PCED1B: variants seen among roughly 807,000 people sequenced by gnomAD.
PCED1B encodes the protein PC-esterase domain-containing protein 1B.
For missense variants in PCED1B, 573 were observed against 573.9 expected (o/e 1.00, Z 0.02); for synonymous variants, 251 against 246.1 (o/e 1.02, Z -0.19).
intron 3 of PCED1B, among the ~76,000 whole-genome samples, chr12:47,228,946 A>G (rs1943715882): frequency 6.6e-6 from 1 of 151,526 alleles, no homozygotes; most frequent in South Asian, 2.1e-4. Context: ...TTCAATAAAC[A>G]TTAATTTTGT....
intron 2 of PCED1B, among the ~76,000 whole-genome samples, chr12:47,167,250 C>T (rs911372285): frequency 3.3e-5 from 5 of 152,010 alleles, no homozygotes; most frequent in Admixed American, 6.6e-5. Flanking sequence ...AAATATTCAA[C>T]GTAACAAAAA....
chr12:47,210,984 G>A (rs565875883), intron 2 of PCED1B, among the ~76,000 whole-genome samples: 9 of 152,218 alleles, frequency 5.9e-5, no homozygotes, highest in Non-Finnish European at 7.4e-5. Context: ...TGCAATATGG[G>A]CCAATCGTAT....
chr12:47,134,248 A>G (rs1371266614), intron 2 of PCED1B, among the ~76,000 whole-genome samples: 2 of 152,192 alleles, frequency 1.3e-5, no homozygotes, highest in Non-Finnish European at 2.9e-5. Flanking sequence ...CCTTTACGAA[A>G]TTAGTACAGG....
At chr12:47,165,419 T>C (rs1941513594) in intron 2 of PCED1B, among the ~76,000 whole-genome samples, 1 of 152,234 alleles carries the variant, frequency 6.6e-6, no homozygotes, top group South Asian at 2.1e-4. Context: ...CATTTTCACT[T>C]ATATGTTCCT....
intron 2 of PCED1B, among the ~76,000 whole-genome samples, chr12:47,184,995 G>A (rs1942209713): frequency 6.6e-6 from 1 of 152,156 alleles, no homozygotes; most frequent in South Asian, 2.1e-4. Flanking sequence ...TAGTAATGCT[G>A]TCAGACTCCT....
intron 2 of PCED1B, among the ~76,000 whole-genome samples, chr12:47,111,555 G>A (rs953455136): frequency 4.6e-5 from 7 of 151,510 alleles, no homozygotes; most frequent in African/African-American, 4.9e-5. Flanking sequence ...TTGCAAAATC[G>A]AAACTCCAAA....
At chr12:47,139,326 G>A (rs1940503501) in intron 2 of PCED1B, among the ~76,000 whole-genome samples, 1 of 152,198 alleles carries the variant, frequency 6.6e-6, no homozygotes, top group Admixed American at 6.5e-5. Context: ...ACAGTAATGG[G>A]GAGCAGCAGA....
chr12:47,119,129 A>G (rs1939562910), intron 2 of PCED1B, among the ~76,000 whole-genome samples: 1 of 152,212 alleles, frequency 6.6e-6, no homozygotes, highest in Non-Finnish European at 1.5e-5. Flanking sequence ...AAAACGTTCA[A>G]TGAGGGAAGA....
chr12:47,168,006 G>T (rs1941600327), intron 2 of PCED1B, among the ~76,000 whole-genome samples: 1 of 152,174 alleles, frequency 6.6e-6, no homozygotes. Context: ...ACAGTTAAAT[G>T]AGCCAAAATA....
intron 2 of PCED1B, among the ~76,000 whole-genome samples, chr12:47,179,697 C>T (rs1453694923): frequency 6.6e-6 from 1 of 152,108 alleles, no homozygotes; most frequent in Non-Finnish European, 1.5e-5. Context: ...ATAGTATTTT[C>T]ATTCATTTAT....
At chr12:47,193,574 A>C (rs777745752) in intron 2 of PCED1B, among the ~76,000 whole-genome samples, 1 of 152,188 alleles carries the variant, frequency 6.6e-6, no homozygotes, top group Non-Finnish European at 1.5e-5. Context: ...ATTATGGATG[A>C]CTTTTATAAA....
intron 2 of PCED1B, among the ~76,000 whole-genome samples, chr12:47,204,381 A>G (rs1942857714): frequency 6.6e-6 from 1 of 152,152 alleles, no homozygotes; most frequent in Non-Finnish European, 1.5e-5. Flanking sequence ...CTTCCTATCC[A>G]TGAGCATGGA....
chr12:47,129,854 A>G (rs754274175), intron 2 of PCED1B, among the ~76,000 whole-genome samples: 1 of 152,218 alleles, frequency 6.6e-6, no homozygotes, highest in Non-Finnish European at 1.5e-5. Context: ...ACAACCATCA[A>G]TAGTGTAGTG....
chr12:47,093,331 C>G (rs915203616), intron 1 of PCED1B, among the ~76,000 whole-genome samples: 3 of 151,582 alleles, frequency 2.0e-5, no homozygotes, highest in African/African-American at 7.3e-5. Context: ...AGTGATATCT[C>G]CTTTTTCATT....
intron 2 of PCED1B, among the ~76,000 whole-genome samples, chr12:47,162,124 G>A (rs185150464): frequency 4.7e-5 from 7 of 147,892 alleles, no homozygotes; most frequent in South Asian, 2.1e-4. Context: ...GGGGTGGTGG[G>A]GGGGGGAAGG....
intron 2 of PCED1B, among the ~76,000 whole-genome samples, chr12:47,171,273 G>A (rs1941725193): frequency 6.6e-6 from 1 of 151,988 alleles, no homozygotes; most frequent in Non-Finnish European, 1.5e-5. Context: ...CTCCATATTA[G>A]TCAGGCTGGT....
intron 2 of PCED1B, chr12:47,210,017 A>G (rs1271578710): frequency 6.6e-6 from 1 of 152,206 alleles, no homozygotes; most frequent in Middle Eastern, 3.2e-3. Flanking sequence ...GATGAAGAGG[A>G]AGGAGTCACA....
At chr12:47,125,582 A>G (rs1393074842) in intron 2 of PCED1B, among the ~76,000 whole-genome samples, 2 of 152,022 alleles carry the variant, frequency 1.3e-5, no homozygotes, top group Non-Finnish European at 2.9e-5. Flanking sequence ...TGTTCAATCT[A>G]TACATCAATT....
intron 2 of PCED1B, among the ~76,000 whole-genome samples, chr12:47,117,087 A>T (rs1477259681): frequency 6.6e-6 from 1 of 152,154 alleles, no homozygotes. Flanking sequence ...GGCTGAAGTG[A>T]TCCTCCCACC....
Sources: allele counts gnomAD v4.1 joint callset (sites outside exome capture counted in the v4.1 genomes callset), GRCh38; gene constraint gnomAD v4.1.1; transcripts MANE v1.5; gene names NCBI Gene and HGNC (gene_info 2026-07-23, HGNC 2026-07-21).